Variants in SMC2 observed in about 807,000 individuals in gnomAD.
The protein encoded by SMC2 is structural maintenance of chromosomes protein 2.
A neutral mutation model predicts 142.6 loss-of-function variants in SMC2; 41 were observed. That is an observed-to-expected ratio of 0.29 (90% confidence interval 0.22 to 0.37). SMC2 has a LOEUF of 0.37. Ranked by LOEUF, SMC2 falls within the 10% of genes least tolerant of loss-of-function variation. SMC2 has a pLI of 1.00. For synonymous variants in SMC2, 463 were observed against 457.5 expected (o/e 1.01, Z -0.15); for missense variants, 1,265 against 1,373.7 (o/e 0.92, Z 1.25).
intron 9 of SMC2, among the ~76,000 whole-genome samples, chr9:104,104,344 C>A (rs374787087): frequency 6.6e-6 from 1 of 152,130 alleles, no homozygotes; most frequent in Admixed American, 6.5e-5. Flanking sequence ...CAAGGGAAAA[C>A]AGAAGTCTAG....
chr9:104,094,632 C>A (rs535978258), intron 1 of SMC2, 155 bp downstream of exon 1: 5 of 375,694 alleles, frequency 1.3e-5, no homozygotes, highest in South Asian at 2.9e-4. Context: ...AGGCTAGCTT[C>A]TGTTCGACCT....
At chr9:104,126,885 G>A (rs1400374983) in intron 19 of SMC2, 101 bp downstream of exon 19, 16 of 1,147,880 alleles carry the variant, frequency 1.4e-5, no homozygotes, top group Non-Finnish European at 1.7e-5. Context: ...CTTTTCACTC[G>A]TCATCATGAG....
intron 24 of SMC2, among the ~76,000 whole-genome samples, chr9:104,138,516 C>G (rs1027400686): frequency 1.6e-4 from 24 of 152,124 alleles, no homozygotes; most frequent in African/African-American, 4.3e-4. Flanking sequence ...ACTGAGGTAT[C>G]AGAAAATCAT....
chr9:104,095,311 C>T lies in SMC2; in HGVS notation c.-61-13C>T, dbSNP rs1336363553. 1.6e-6 allele frequency: 2 copies of T among 1,230,610 alleles called. No individual in the cohort carries two copies. The highest frequency in any genetic ancestry group is 3.0e-5 in the African/African-American group (2 of 66,336). The allele number at this position is 1,230,610 out of a possible 1,614,324, so 76.2% of individuals were successfully genotyped here. A position where few individuals can be genotyped will look rare whatever the true frequency, so the allele number is the denominator to read the frequency against. On this transcript the variant is annotated splice_polypyrimidine_tract_variant and intron_variant, in intron 1 of 24. Transcript: ENST00000374793. Reference sequence around the variant, plus strand: ...ACATTCCACTTAGGTGGTGGTATTTCTGTTTCGTACAGAACTGGTTTGTGG... The same window carrying T: ...ACATTCCACTTAGGTGGTGGTATTTTTGTTTCGTACAGAACTGGTTTGTGG...
intron 9 of SMC2, among the ~76,000 whole-genome samples, chr9:104,109,593 C>A (rs1052758908): frequency 6.6e-6 from 1 of 152,144 alleles, no homozygotes. Flanking sequence ...TTCCGAATTA[C>A]GCGTATGCTG....
At chr9:104,111,952 C>T in intron 10 of SMC2, 138 bp downstream of exon 10, 1 of 623,460 alleles carries the variant, frequency 1.6e-6, no homozygotes, top group Non-Finnish European at 2.7e-6. Flanking sequence ...TTCTGCAACT[C>T]TAATGCCTAA....
chr9:104,109,392 A>G (rs892873445), intron 9 of SMC2, among the ~76,000 whole-genome samples: 2 of 152,212 alleles, frequency 1.3e-5, no homozygotes, highest in Non-Finnish European at 2.9e-5. Flanking sequence ...CGTATTCAGA[A>G]TACAGCCACT....
Position 104,123,210 on chromosome 9 carries a change from A to G in SMC2, c.2235A>G (p.Leu745=), listed in dbSNP as rs761747936. 4 of 1,612,642 alleles carry G rather than the reference A, an allele frequency of 2.5e-6. No individual in the cohort carries two copies. Among genetic ancestry groups the G allele is most frequent in the East Asian group, 2.2e-5 (1 of 44,680 alleles). Residue 745 remains leucine (L), a synonymous_variant, in exon 17 of 25, where the codon TTA becomes TTG. Transcript: ENST00000374793. ...QSSYHKQQEE[L]DALKKTIEES... is the part of the protein sequence containing the mutation. ...CATATCACAAGCAACAAGAAGAATTAGATGCCCTTAAAAAAACCATTGGTA... is the reference window on the plus strand; with the variant it reads ...CATATCACAAGCAACAAGAAGAATTGGATGCCCTTAAAAAAACCATTGGTA...
At chr9:104,089,040 T>C in the SMC2 span, among the ~76,000 whole-genome samples, 1 of 151,432 alleles carries the variant, frequency 6.6e-6, no homozygotes, top group Non-Finnish European at 1.5e-5. Context: ...TCTGAGAAAG[T>C]AGGTTGGGAA....
intron 23 of SMC2, chr9:104,135,830 A>G (rs777210989): frequency 3.9e-6 from 2 of 518,722 alleles, no homozygotes; most frequent in Non-Finnish European, 7.7e-6. Context: ...TCTAACAGAA[A>G]TATTCTTCAA....
At chr9:104,105,580 A>AT (rs1199542426) in intron 9 of SMC2, among the ~76,000 whole-genome samples, 4 of 152,238 alleles carry the variant, frequency 2.6e-5, no homozygotes, top group Non-Finnish European at 4.4e-5. Context: ...GCAGCAGTTG[A>AT]TTCTCTTTCC....
intron 4 of SMC2, among the ~76,000 whole-genome samples, chr9:104,099,309 A>G (rs185461589): frequency 3.9e-5 from 6 of 152,208 alleles, no homozygotes; most frequent in African/African-American, 1.4e-4. Context: ...TTTTTTAATT[A>G]TGCTGAAATT....
At position 104,120,262 on chromosome 9, in the gene SMC2, A is replaced by T. The variant is rs7870555; in HGVS notation, c.2132+100A>T. The T allele has an allele frequency of 0.017, 19,746 of 1,145,130 alleles. 1,050 individuals are homozygous for T. In the African/African-American group the frequency reaches 0.18, roughly 10 times the overall value. The allele number at this position is 1,145,130 out of a possible 1,614,324, so 70.9% of individuals were successfully genotyped here. On this transcript the variant is annotated intron_variant, in intron 16 of 24. Coordinates refer to ENST00000374793, the MANE Select transcript of SMC2 (RefSeq NM_006444.3). ...AGAAATACAGCTTCTGACTTTTCTC[A>T]TATTTTTGGTTTTATTTAAAATGTT...
chr9:104,104,432 T>A (rs1831520326), intron 9 of SMC2, among the ~76,000 whole-genome samples: 1 of 152,160 alleles, frequency 6.6e-6, no homozygotes, highest in Admixed American at 6.5e-5. Context: ...CGTGCTCAAC[T>A]TGCACAGCAG....
At chr9:104,097,093 T>G (rs1324085320) in intron 3 of SMC2, among the ~76,000 whole-genome samples, 1 of 151,244 alleles carries the variant, frequency 6.6e-6, no homozygotes, top group Admixed American at 6.6e-5. Context: ...ATTAATATAG[T>G]CAGGCAGTGT....
chr9:104,110,041 A>G (rs888420379), intron 9 of SMC2, among the ~76,000 whole-genome samples: 1 of 152,226 alleles, frequency 6.6e-6, no homozygotes, highest in Non-Finnish European at 1.5e-5. Context: ...ACTCAGTGTG[A>G]CATTAATCAT....
rs1252344987 is a variant in SMC2, at chr9:104,129,627, A to G, written c.2791-18A>G. 1.3e-6 allele frequency: 2 copies of G among 1,595,854 alleles called. No homozygotes were observed. Among genetic ancestry groups the G allele is most frequent in the South Asian group, 1.1e-5 (1 of 90,658 alleles). ...GTAAACATTCATAGATCTCCCATCT[A>G]TTTTTATATGTGGCTAGGTATCCAA... On this transcript the variant is annotated intron_variant, in intron 20 of 24. Transcript: ENST00000374793.
intron 10 of SMC2, among the ~76,000 whole-genome samples, chr9:104,112,515 C>T (rs1446890380): frequency 6.6e-6 from 1 of 151,542 alleles, no homozygotes; most frequent in Non-Finnish European, 1.5e-5. Flanking sequence ...TGTGATTATG[C>T]GTTAATCCTC....
intron 4 of SMC2, among the ~76,000 whole-genome samples, chr9:104,099,296 A>C (rs530887703): frequency 1.3e-5 from 2 of 152,180 alleles, no homozygotes; most frequent in East Asian, 3.9e-4. Context: ...GAAATGTTAA[A>C]AGTTTTTTAA....
Sources: allele counts gnomAD v4.1 joint callset (sites outside exome capture counted in the v4.1 genomes callset), GRCh38; gene constraint gnomAD v4.1.1; transcripts MANE v1.5; gene names NCBI Gene and HGNC (gene_info 2026-07-23, HGNC 2026-07-21).